Variants in CCNY observed in about 807,000 individuals in gnomAD.
The protein encoded by CCNY is cyclin-Y.
In CCNY, 19 loss-of-function variants were observed where a neutral mutation model predicts 42.8. The ratio of observed to expected loss-of-function variants is 0.44; its 90% CI spans 0.31 to 0.65. The LOEUF (loss-of-function observed/expected upper bound fraction) is 0.65. CCNY is among the 30% of genes least tolerant of loss of function. The pLI is 0.07. For missense variants in CCNY, 370 were observed against 437.3 expected, an observed-to-expected ratio of 0.85 and a Z score of 1.37; for synonymous variants, 165 against 162.7, an observed-to-expected ratio of 1.01 and a Z score of -0.11.
chr10:35,273,264 C>T (rs1835195065), intron 3 of CCNY, among the ~76,000 whole-genome samples: 2 of 151,896 alleles, frequency 1.3e-5, no homozygotes, highest in South Asian at 4.2e-4. Flanking sequence ...CGCAGTGGCA[C>T]AACCCTGACT....
chr10:35,526,085 CT>C, intron 5 of CCNY, 86 bp downstream of exon 5: 1 of 1,165,884 alleles, frequency 8.6e-7, no homozygotes, highest in Non-Finnish European at 1.2e-6. Context: ...TTGCTTAAAC[CT>C]TTGAATTATA....
At chr10:35,479,907 A>ACT (rs1839626895) in intron 1 of CCNY, among the ~76,000 whole-genome samples, 1 of 151,744 alleles carries the variant, frequency 6.6e-6, no homozygotes, top group African/African-American at 2.4e-5. Context: ...CTAAAATTGC[A>ACT]GTGTTTGTCA....
In CCNY at chr10:35,571,858, A is replaced by C. The variant is rs1245072497; in HGVS notation, c.*2688A>C. 6.6e-6 allele frequency: 1 copy of C among 152,380 alleles called. No homozygotes were observed. The highest frequency in any genetic ancestry group is 1.9e-4 in the East Asian group (1 of 5,334). 9.4% of individuals were successfully genotyped at this position (152,380 alleles called of 1,614,324 possible). A position where few individuals can be genotyped will look rare whatever the true frequency, so the allele number is the denominator to read the frequency against. On this transcript the variant is annotated 3_prime_UTR_variant, in exon 10 of 10. Coordinates refer to ENST00000374704, the MANE Select transcript of CCNY (RefSeq NM_145012.6). ...TGTCATTAAGGATGAAGGAAACGACACAATTTGTTACTTTAATTTTATATT... is the reference window on the plus strand; with the variant it reads ...TGTCATTAAGGATGAAGGAAACGACCCAATTTGTTACTTTAATTTTATATT...
At chr10:35,501,581 G>A (rs1295308795) in intron 3 of CCNY, 46 bp downstream of exon 3, 12 of 1,519,720 alleles carry the variant, frequency 7.9e-6, no homozygotes, top group African/African-American at 4.1e-5. Context: ...ACTGTACAGT[G>A]TAAAGAGCTA....
rs187993339 is a variant in CCNY, at chr10:35,408,701, C to T, written c.154+71494C>T. ...TTGCTTCAGGCCATCTGGATGTATA[C>T]GTGCAGGTCACTGGGAATATGATGG... On this transcript the variant is annotated intron_variant, in intron 1 of 9. Coordinates refer to ENST00000374704, the MANE Select transcript of CCNY (RefSeq NM_145012.6). Among the ~76,000 whole-genome samples, 1,076 of 152,210 alleles carry T rather than the reference C, an allele frequency of 7.1e-3. 14 individuals carry two copies. The highest frequency in any genetic ancestry group is 0.025 in the African/African-American group (1,027 of 41,476).
intron 3 of CCNY, among the ~76,000 whole-genome samples, chr10:35,267,126 C>T (rs1275660132): frequency 1.3e-5 from 2 of 150,440 alleles, no homozygotes; most frequent in Non-Finnish European, 3.0e-5. Flanking sequence ...AATGAGGGCA[C>T]ATAGAACAGC....
intron 3 of CCNY, among the ~76,000 whole-genome samples, chr10:35,502,038 A>G (rs372553368): frequency 6.6e-5 from 10 of 152,334 alleles, no homozygotes; most frequent in South Asian, 4.1e-4. Context: ...CACTAAATTT[A>G]AAAAAGATGT....
At chr10:35,534,177 A>G (rs1840830192) in intron 7 of CCNY, among the ~76,000 whole-genome samples, 1 of 152,146 alleles carries the variant, frequency 6.6e-6, no homozygotes, top group African/African-American at 2.4e-5. Flanking sequence ...TTGCGCCACC[A>G]TGCCCTGCTA....
At chr10:35,569,000 C>T in intron 9 of CCNY, 54 bp from the exon 10 acceptor site, 1 of 1,172,576 alleles carries the variant, frequency 8.5e-7, no homozygotes. Context: ...GACGAGTGAG[C>T]AATGGACGCA....
intron 1 of CCNY, among the ~76,000 whole-genome samples, chr10:35,399,114 G>C (rs116202989): frequency 4.4e-4 from 67 of 152,316 alleles, no homozygotes; most frequent in African/African-American, 1.6e-3. Flanking sequence ...AGCTGATTGG[G>C]TTTCTCACAT....
At chr10:35,480,010 C>A (rs1294305930) in intron 1 of CCNY, among the ~76,000 whole-genome samples, 1 of 150,906 alleles carries the variant, frequency 6.6e-6, no homozygotes, top group Non-Finnish European at 1.5e-5. Context: ...TTTTTTGTTC[C>A]CCAAGGAGGT....
chr10:35,363,768 G>A (rs950291650), intron 1 of CCNY, among the ~76,000 whole-genome samples: 2 of 152,164 alleles, frequency 1.3e-5, no homozygotes, highest in African/African-American at 4.8e-5. Flanking sequence ...GAGTAGGTAT[G>A]AAATCATTGT....
intron 4 of CCNY, among the ~76,000 whole-genome samples, chr10:35,518,215 A>G (rs1308915487): frequency 1.3e-5 from 2 of 152,362 alleles, no homozygotes; most frequent in East Asian, 1.9e-4. Context: ...TTGATAGTTC[A>G]TCGGTCAACT....
chr10:35,477,880 T>TA (rs1363170142), intron 1 of CCNY, among the ~76,000 whole-genome samples: 1 of 149,304 alleles, frequency 6.7e-6, no homozygotes, highest in Admixed American at 6.7e-5. Flanking sequence ...ATTGTATATC[T>TA]AGAAAACCCC....
At chr10:35,404,933 G>A (rs995594795) in intron 1 of CCNY, among the ~76,000 whole-genome samples, 5 of 152,142 alleles carry the variant, frequency 3.3e-5, no homozygotes, top group Admixed American at 2.6e-4. Flanking sequence ...CCAAGTGAAA[G>A]CGAAGAGAGG....
chr10:35,413,504 G>T (rs1005099517), intron 1 of CCNY, among the ~76,000 whole-genome samples: 1 of 152,214 alleles, frequency 6.6e-6, no homozygotes, highest in African/African-American at 2.4e-5. Context: ...CCCTAAAAAT[G>T]TATATTTGAG....
chr10:35,360,378 C>T (rs1391202074), intron 1 of CCNY, among the ~76,000 whole-genome samples: 3 of 148,310 alleles, frequency 2.0e-5, no homozygotes, highest in Non-Finnish European at 4.4e-5. Context: ...CCTCAATCTC[C>T]TGGGCTTAAG....
At chr10:35,256,709 C>T (rs4007270) in intron 3 of CCNY, among the ~76,000 whole-genome samples, 56,343 of 148,826 alleles carry the variant, frequency 0.38, 10,990 homozygotes, top group African/African-American at 0.49. Flanking sequence ...CCAGCCTGGG[C>T]GACAGAGAGA....
intron 1 of CCNY, among the ~76,000 whole-genome samples, chr10:35,386,182 T>A (rs186191000): frequency 7.9e-5 from 12 of 152,358 alleles, no homozygotes; most frequent in Admixed American, 7.8e-4. Flanking sequence ...TGTTGAGAAG[T>A]CATACATTAC....
Sources: gnomAD v4.1 joint callset for allele counts (sites outside exome capture counted in the v4.1 genomes callset) on GRCh38, gnomAD v4.1.1 for gene constraint, MANE v1.5 for transcripts, NCBI Gene and HGNC (gene_info 2026-07-23, HGNC 2026-07-21) for gene names.